The following CEP128 variants were observed in gnomAD, a reference collection of about 807,000 sequenced individuals.
The protein encoded by CEP128 is centrosomal protein 128.
Under a neutral mutation model 156.7 loss-of-function variants are expected in CEP128, and 132 were observed. The observed-to-expected ratio is 0.84, with a 90% CI of 0.73 to 0.97. The LOEUF is 0.97. CEP128 is among the 50% of genes least tolerant of loss of function. The probability of loss-of-function intolerance (pLI) is 0.00; values close to 1 mark genes in which losing one functional copy is unlikely to be tolerated. For missense variants in CEP128, 1,252 were observed against 1,281.9 expected (o/e 0.98, Z 0.36); for synonymous variants, 469 against 448.9 (o/e 1.04, Z -0.57).
At chr14:80,618,218 A>AT (rs1208103591) in intron 19 of CEP128, among the ~76,000 whole-genome samples, 2 of 152,116 alleles carry the variant, frequency 1.3e-5, no homozygotes, top group Non-Finnish European at 2.9e-5. Context: ...ATTCCATATC[A>AT]TTTTTTGAAG....
At chr14:80,528,354 T>C (rs1286530490) in intron 22 of CEP128, among the ~76,000 whole-genome samples, 1 of 152,250 alleles carries the variant, frequency 6.6e-6, no homozygotes, top group East Asian at 1.9e-4. Context: ...AATGGCACGA[T>C]CTCAGTGCAC....
intron 13 of CEP128, among the ~76,000 whole-genome samples, chr14:80,818,838 A>C (rs1375284578): frequency 6.6e-6 from 1 of 152,246 alleles, no homozygotes; most frequent in Non-Finnish European, 1.5e-5. Flanking sequence ...AGAAAATATC[A>C]ATTTCTATTT....
At chr14:80,928,802 C>T (rs963797647) in intron 2 of CEP128, among the ~76,000 whole-genome samples, 4 of 151,860 alleles carry the variant, frequency 2.6e-5, no homozygotes, top group African/African-American at 9.7e-5. Context: ...CTAGGAAAAA[C>T]TCTTCTGGAC....
At chr14:80,883,617 C>T (rs1888655306) in intron 8 of CEP128, among the ~76,000 whole-genome samples, 1 of 152,006 alleles carries the variant, frequency 6.6e-6, no homozygotes, top group African/African-American at 2.4e-5. Context: ...GAAAGATATT[C>T]TATGTTAATA....
chr14:80,671,648 C>T (rs1895845742), intron 19 of CEP128, among the ~76,000 whole-genome samples: 1 of 152,112 alleles, frequency 6.6e-6, no homozygotes, highest in African/African-American at 2.4e-5. Context: ...CTACTAATAA[C>T]AGACACAAAA....
upstream of CEP128, among the ~76,000 whole-genome samples, chr14:80,944,811 A>G (rs1886290613): frequency 7.8e-6 from 1 of 128,612 alleles, no homozygotes; most frequent in African/African-American, 3.0e-5. Flanking sequence ...GACAGAGTCA[A>G]GAGTCTGTCT....
intron 17 of CEP128, among the ~76,000 whole-genome samples, chr14:80,757,303 C>T (rs561467358): frequency 3.9e-5 from 6 of 152,218 alleles, no homozygotes; most frequent in East Asian, 1.9e-4. Flanking sequence ...TCTCCTCAGT[C>T]GTGTTCTACA....
intron 2 of CEP128, among the ~76,000 whole-genome samples, chr14:80,922,791 C>A (rs1025252): frequency 0.17 from 25,825 of 152,096 alleles, 3,856 homozygotes; most frequent in African/African-American, 0.41. Context: ...TGACACATTG[C>A]TGAAAGAAAA....
intron 9 of CEP128, among the ~76,000 whole-genome samples, chr14:80,860,163 C>A (rs530157303): frequency 1.3e-5 from 2 of 152,068 alleles, no homozygotes; most frequent in Admixed American, 1.3e-4. Flanking sequence ...ATGACCTTTC[C>A]GGAACAGTTT....
intron 19 of CEP128, among the ~76,000 whole-genome samples, chr14:80,700,537 A>C (rs1253651334): frequency 6.6e-6 from 1 of 150,458 alleles, no homozygotes; most frequent in African/African-American, 2.5e-5. Context: ...CCCCCAAAAA[A>C]GCCATATTTC....
intron 21 of CEP128, among the ~76,000 whole-genome samples, chr14:80,550,740 T>C (rs577941597): frequency 6.9e-4 from 104 of 150,790 alleles, no homozygotes; most frequent in Non-Finnish European, 1.4e-3. Flanking sequence ...TACATTTTTA[T>C]AGACTGGATT....
intron 15 of CEP128, among the ~76,000 whole-genome samples, chr14:80,779,790 T>C (rs1258351432): frequency 6.6e-6 from 1 of 152,234 alleles, no homozygotes; most frequent in Non-Finnish European, 1.5e-5. Flanking sequence ...TTACTTATTG[T>C]TGTGGTTTTT....
intron 9 of CEP128, among the ~76,000 whole-genome samples, chr14:80,857,640 C>G (rs561437088): frequency 6.6e-6 from 1 of 151,316 alleles, no homozygotes; most frequent in African/African-American, 2.4e-5. Context: ...ACAAGGGAGG[C>G]TGAGGTGGCA....
At chr14:80,646,119 A>G (rs1894620812) in intron 19 of CEP128, among the ~76,000 whole-genome samples, 1 of 152,132 alleles carries the variant, frequency 6.6e-6, no homozygotes. Flanking sequence ...GAATATTACA[A>G]TGGTAAATGC....
chr14:80,823,617 A>AC (rs34095793), intron 13 of CEP128, among the ~76,000 whole-genome samples: 47,722 of 151,612 alleles, frequency 0.31, 8,572 homozygotes, highest in Non-Finnish European at 0.4. Context: ...GAAAAAAAAA[A>AC]AAACTCCAAA....
chr14:80,884,179 T>C (rs1888682257), intron 8 of CEP128, among the ~76,000 whole-genome samples: 1 of 152,158 alleles, frequency 6.6e-6, no homozygotes, highest in Admixed American at 6.5e-5. Context: ...AAAGATTTCT[T>C]GAGTAATAAT....
At chr14:80,690,370 C>T (rs766502473) in intron 19 of CEP128, among the ~76,000 whole-genome samples, 4 of 150,196 alleles carry the variant, frequency 2.7e-5, no homozygotes, top group Non-Finnish European at 5.9e-5. Flanking sequence ...GAGTTGTGAT[C>T]GCATCATTGT....
intron 19 of CEP128, among the ~76,000 whole-genome samples, chr14:80,623,681 T>G (rs1407372366): frequency 1.3e-5 from 2 of 151,898 alleles, no homozygotes; most frequent in African/African-American, 4.8e-5. Context: ...AAAAGCAGTA[T>G]CATTAAAAAA....
rs538477759 is a variant in CEP128, at chr14:80,741,057, G to C, written c.2806+2018C>G. ...ATTTCTAATTATTCCAAGAAGGAAA[G>C]CCATGTACACATAATAGCCAAAACT... On this transcript the variant is annotated intron_variant, in intron 19 of 24. Coordinates refer to ENST00000555265, the MANE Select transcript of CEP128 (RefSeq NM_152446.5). 1.8e-4 allele frequency among the ~76,000 whole-genome samples: 27 copies of C among 152,266 alleles called. No homozygotes were observed. In the South Asian group the frequency reaches 5.4e-3, roughly 30 times the overall value.
Sources: allele counts gnomAD v4.1 joint callset (sites outside exome capture counted in the v4.1 genomes callset), GRCh38; gene constraint gnomAD v4.1.1; transcripts MANE v1.5; gene names NCBI Gene and HGNC (gene_info 2026-07-23, HGNC 2026-07-21).